The following DLG2 variants were observed in gnomAD, a reference collection of about 807,000 sequenced individuals.
The protein encoded by DLG2 is disks large homolog 2.
DLG2 carries 45 observed loss-of-function variants against 132.5 expected under a neutral mutation model. The observed-to-expected ratio is 0.34, with a 90% CI of 0.27 to 0.44. DLG2 has a LOEUF of 0.44. DLG2 is among the 20% of genes least tolerant of loss of function. The pLI is 1.00. For synonymous variants in DLG2, 424 were observed against 419.6 expected (o/e 1.01, Z -0.13); for missense variants, 1,045 against 1,196.9 (o/e 0.87, Z 1.87).
At chr11:84,991,032 C>T (rs1353695327) in intron 6 of DLG2, among the ~76,000 whole-genome samples, 2 of 151,860 alleles carry the variant, frequency 1.3e-5, no homozygotes, top group African/African-American at 4.8e-5. Flanking sequence ...TGCTACTCAG[C>T]AATAAAAAAG....
At chr11:83,700,284 T>C (rs2082698571) in intron 18 of DLG2, among the ~76,000 whole-genome samples, 2 of 152,108 alleles carry the variant, frequency 1.3e-5, no homozygotes, top group Admixed American at 1.3e-4. Flanking sequence ...AAGGAGCCCT[T>C]CCTTGGCCTT....
intron 4 of DLG2, among the ~76,000 whole-genome samples, chr11:85,200,434 T>C (rs2081378039): frequency 6.6e-6 from 1 of 152,090 alleles, no homozygotes; most frequent in African/African-American, 2.4e-5. Flanking sequence ...CAGAAAGAGA[T>C]TTGTTCATAT....
intron 17 of DLG2, among the ~76,000 whole-genome samples, chr11:83,796,690 T>C (rs114670297): frequency 0.013 from 2,055 of 152,348 alleles, 57 homozygotes; most frequent in African/African-American, 0.047. Flanking sequence ...TATGGTTCAC[T>C]GTACTATCTT....
At chr11:84,997,333 G>A (rs946690030) in intron 6 of DLG2, 1 of 151,996 alleles carries the variant, frequency 6.6e-6, no homozygotes, top group African/African-American at 2.4e-5. Context: ...GAATCCTCCA[G>A]GCACACAAAA....
intron 9 of DLG2, among the ~76,000 whole-genome samples, chr11:84,113,868 A>G (rs1219737595): frequency 6.6e-6 from 1 of 152,136 alleles, no homozygotes; most frequent in Non-Finnish European, 1.5e-5. Context: ...AAGAATGACC[A>G]TTTGTCAAGT....
At chr11:85,483,250 G>A (rs918259120) in intron 3 of DLG2, among the ~76,000 whole-genome samples, 2 of 152,174 alleles carry the variant, frequency 1.3e-5, no homozygotes, top group African/African-American at 4.8e-5. Context: ...GTTCCAATAA[G>A]GCTAGCAACA....
intron 6 of DLG2, among the ~76,000 whole-genome samples, chr11:84,651,307 T>A (rs940659431): frequency 6.6e-6 from 1 of 152,190 alleles, no homozygotes; most frequent in African/African-American, 2.4e-5. Context: ...CTATAAGAGT[T>A]AAACTGCACT....
At chr11:85,038,311 T>C (rs1593079504) in intron 6 of DLG2, among the ~76,000 whole-genome samples, 1 of 152,236 alleles carries the variant, frequency 6.6e-6, no homozygotes, top group East Asian at 1.9e-4. Flanking sequence ...CCCATTTTTT[T>C]TCACAGAAGG....
intron 3 of DLG2, among the ~76,000 whole-genome samples, chr11:85,456,765 A>T (rs1266802021): frequency 6.6e-6 from 1 of 151,888 alleles, no homozygotes; most frequent in Non-Finnish European, 1.5e-5. Context: ...TTTCCATGTA[A>T]TTTTACGGTT....
At chr11:84,066,349 G>T (rs1243058821) in intron 10 of DLG2, among the ~76,000 whole-genome samples, 1 of 152,088 alleles carries the variant, frequency 6.6e-6, no homozygotes, top group Non-Finnish European at 1.5e-5. Context: ...AAAACTTATA[G>T]TTGTTTTGAT....
At chr11:85,121,141 T>C (rs2074264329) in intron 5 of DLG2, among the ~76,000 whole-genome samples, 1 of 151,936 alleles carries the variant, frequency 6.6e-6, no homozygotes, top group Admixed American at 6.6e-5. Flanking sequence ...TGTAAACCAG[T>C]ATAAAAAAGT....
At chr11:85,331,237 A>G (rs1357222581) in intron 3 of DLG2, among the ~76,000 whole-genome samples, 1 of 152,182 alleles carries the variant, frequency 6.6e-6, no homozygotes, top group Non-Finnish European at 1.5e-5. Context: ...TGTTAATGAG[A>G]ACATTAATAT....
intron 4 of DLG2, among the ~76,000 whole-genome samples, chr11:85,267,856 G>A (rs1333851176): frequency 2.7e-5 from 4 of 150,570 alleles, no homozygotes; most frequent in South Asian, 2.1e-4. Flanking sequence ...CCCACACAAC[G>A]ATCTCAGACA....
intron 7 of DLG2, among the ~76,000 whole-genome samples, chr11:84,506,067 A>C (rs958215263): frequency 7.9e-6 from 1 of 126,408 alleles, no homozygotes; most frequent in South Asian, 2.7e-4. Context: ...ATGTTATGAC[A>C]GAGGCTCAGT....
chr11:84,980,977 G>T (rs2055654699), intron 6 of DLG2, among the ~76,000 whole-genome samples: 2 of 152,094 alleles, frequency 1.3e-5, no homozygotes, highest in Admixed American at 1.3e-4. Context: ...TAGACTCTGG[G>T]CATAGCTCTA....
At chr11:84,406,139 ACT>A (rs1381998032) in intron 7 of DLG2, among the ~76,000 whole-genome samples, 1 of 150,584 alleles carries the variant, frequency 6.6e-6, no homozygotes, top group Admixed American at 6.6e-5. Context: ...ATCTCTGAAA[ACT>A]CCCCCTACTG....
chr11:84,843,104 A>C (rs147744892), intron 6 of DLG2, among the ~76,000 whole-genome samples: 17 of 152,092 alleles, frequency 1.1e-4, no homozygotes, highest in African/African-American at 4.1e-4. Flanking sequence ...TGCACTGAAA[A>C]ATGTGTAAAG....
At chr11:84,184,188 A>G (rs1246643184) in intron 8 of DLG2, among the ~76,000 whole-genome samples, 1 of 152,236 alleles carries the variant, frequency 6.6e-6, no homozygotes, top group Non-Finnish European at 1.5e-5. Context: ...TTACAGTCCC[A>G]CCAACAGTGT....
chr11:85,601,426 C>T (rs762255703), intron 2 of DLG2, among the ~76,000 whole-genome samples: 2 of 151,898 alleles, frequency 1.3e-5, no homozygotes, highest in East Asian at 1.9e-4. Flanking sequence ...CTGCAACCTC[C>T]GCCTTCTGGG....
Sources: allele counts gnomAD v4.1 joint callset (sites outside exome capture counted in the v4.1 genomes callset), GRCh38; gene constraint gnomAD v4.1.1; transcripts MANE v1.5; gene names NCBI Gene and HGNC (gene_info 2026-07-23, HGNC 2026-07-21).